The following SP100 variants were observed in gnomAD, a reference collection of about 807,000 sequenced individuals.
SP100 encodes the protein nuclear autoantigen Sp-100.
A neutral mutation model predicts 130.0 loss-of-function variants in SP100; 84 were observed. The observed-to-expected ratio is 0.65, with a 90% confidence interval of 0.54 to 0.77. The LOEUF (loss-of-function observed/expected upper bound fraction) is 0.77. SP100 is among the 30% of genes least tolerant of loss of function. SP100 has a pLI of 0.00. For missense variants in SP100, 978 were observed against 1,052.2 expected, an observed-to-expected ratio of 0.93 and a Z score of 0.97; for synonymous variants, 331 against 351.7, an observed-to-expected ratio of 0.94 and a Z score of 0.66.
At chr2:230,475,521 T>C (rs2065496876) in intron 17 of SP100, among the ~76,000 whole-genome samples, 1 of 152,234 alleles carries the variant, frequency 6.6e-6, no homozygotes, top group Admixed American at 6.5e-5. Flanking sequence ...TCTTTTGTTG[T>C]ACAGAAGCTA....
chr2:230,455,408 C>T (rs1174142444), intron 8 of SP100, among the ~76,000 whole-genome samples: 1 of 152,162 alleles, frequency 6.6e-6, no homozygotes, highest in Non-Finnish European at 1.5e-5. Flanking sequence ...TTGATTCAAA[C>T]TGTATCTCAT....
At chr2:230,534,785 G>C (rs1366913898) in intron 24 of SP100, among the ~76,000 whole-genome samples, 1 of 152,144 alleles carries the variant, frequency 6.6e-6, no homozygotes, top group Admixed American at 6.5e-5. Flanking sequence ...TTATTATGTT[G>C]AATTGTTATA....
At chr2:230,453,006 G>C (rs1470585798) in intron 8 of SP100, among the ~76,000 whole-genome samples, 1 of 152,072 alleles carries the variant, frequency 6.6e-6, no homozygotes, top group Non-Finnish European at 1.5e-5. Context: ...TGGGCAATCT[G>C]TATTGGTCCA....
chr2:230,483,425 G>A (rs1380919732), intron 17 of SP100, among the ~76,000 whole-genome samples: 1 of 152,178 alleles, frequency 6.6e-6, no homozygotes, highest in Non-Finnish European at 1.5e-5. Context: ...GGCTGGAGAG[G>A]TAGAGAGGGG....
intron 20 of SP100, among the ~76,000 whole-genome samples, chr2:230,503,809 C>A (rs764261465): frequency 6.6e-6 from 1 of 152,154 alleles, no homozygotes; most frequent in Non-Finnish European, 1.5e-5. Context: ...TCAGTCAATG[C>A]CTGGAATGGG....
intron 24 of SP100, among the ~76,000 whole-genome samples, chr2:230,522,013 G>C (rs935217108): frequency 2.6e-5 from 4 of 152,178 alleles, no homozygotes; most frequent in East Asian, 1.9e-4. Flanking sequence ...TGACTGTTTT[G>C]ATATGGACTT....
chr2:230,489,612 T>C (rs946627666), intron 17 of SP100, among the ~76,000 whole-genome samples: 1 of 152,210 alleles, frequency 6.6e-6, no homozygotes, highest in African/African-American at 2.4e-5. Flanking sequence ...TATTAGGGTA[T>C]AGATTTTAGA....
At chr2:230,515,864 T>C (rs1193926432) in intron 24 of SP100, 5 of 1,276,772 alleles carry the variant, frequency 3.9e-6, no homozygotes, top group Non-Finnish European at 4.9e-6. Flanking sequence ...AGTATGGGGG[T>C]TGTAAATTGG....
intron 17 of SP100, among the ~76,000 whole-genome samples, chr2:230,478,340 T>C (rs1260914735): frequency 6.6e-6 from 1 of 152,156 alleles, no homozygotes; most frequent in African/African-American, 2.4e-5. Context: ...AAACCATCGA[T>C]CAGAATTACA....
intron 5 of SP100, among the ~76,000 whole-genome samples, chr2:230,448,306 A>C (rs1333597641): frequency 6.6e-6 from 1 of 152,146 alleles, no homozygotes; most frequent in Non-Finnish European, 1.5e-5. Flanking sequence ...AGACAACAAA[A>C]ATAACCTTGT....
chr2:230,515,073 A>T (rs1690828928), intron 24 of SP100: 1 of 1,610,804 alleles, frequency 6.2e-7, no homozygotes. Context: ...TATCATATGC[A>T]TTTTTTGTGC....
chr2:230,419,823 T>C (rs1157505970), intron 2 of SP100, among the ~76,000 whole-genome samples: 3 of 152,230 alleles, frequency 2.0e-5, no homozygotes, highest in Non-Finnish European at 2.9e-5. Context: ...GCATCCCCTG[T>C]GGATAGAAGG....
chr2:230,450,311 TTTGGTTGG>T (rs878983393), intron 8 of SP100, 56 bp downstream of exon 8: 2 of 1,370,552 alleles, frequency 1.5e-6, no homozygotes, highest in African/African-American at 1.4e-5. Flanking sequence ...ATGCTATACA[TTTGGTTGG>T]TTGGTTGGTT....
Position 230,545,189 on chromosome 2 carries a change from C to G in SP100, c.*2243C>G, listed in dbSNP as rs550587598. Among the ~76,000 whole-genome samples the G allele has an allele frequency of 6.6e-6, 1 of 152,160 alleles. No individual in the cohort carries two copies. On this transcript the variant is annotated 3_prime_UTR_variant, in exon 29 of 29. Coordinates refer to ENST00000340126, the MANE Select transcript of SP100 (RefSeq NM_001080391.2). ...AAAGATACAGAATCAACCTAAGTGCCCATCAGTAACAGATTGGATAAAGAA... is the reference window on the plus strand; with the variant it reads ...AAAGATACAGAATCAACCTAAGTGCGCATCAGTAACAGATTGGATAAAGAA...
rs76381425 is a variant in SP100 at position 230,446,085 on chromosome 2, T to C, written c.440-734T>C. Among the ~76,000 whole-genome samples the C allele has an allele frequency of 2.6e-3, 400 of 152,344 alleles. 4 individuals carry two copies. Among genetic ancestry groups the C allele is most frequent in the African/African-American group, 9.0e-3 (376 of 41,580 alleles). ...CTGTTTCTAGCCTCATCTTTAAAGA[T>C]GTTGAGGTTTTTCTCATTTATTTTT... On this transcript the variant is annotated intron_variant, in intron 4 of 28. Transcript: ENST00000340126.
rs535592666 is a variant in SP100, at chr2:230,483,228, A to G, written c.1600+8781A>G. On this transcript the variant is annotated intron_variant, in intron 17 of 28. Transcript: ENST00000340126. ...GAAAAATAAAGAATAATGGAGGTGT[A>G]CAGTGACAGAAATGTGCCATTTTAT... Among the ~76,000 whole-genome samples, 4 of 152,338 alleles carry G rather than the reference A, an allele frequency of 2.6e-5. No homozygotes were observed. In the South Asian group the frequency reaches 6.2e-4, roughly 24 times the overall value.
At chr2:230,419,879 A>G (rs563522104) in intron 2 of SP100, among the ~76,000 whole-genome samples, 7 of 152,180 alleles carry the variant, frequency 4.6e-5, no homozygotes, top group Non-Finnish European at 1.0e-4. Context: ...TTGGTGACCC[A>G]TGATCTGATC....
At position 230,430,551 on chromosome 2, in the gene SP100, G is replaced by T. The variant is rs114791757; in HGVS notation, c.108-12386G>T. 2.7e-3 allele frequency among the ~76,000 whole-genome samples: 409 copies of T among 152,366 alleles called. 4 individuals carry two copies. Among genetic ancestry groups the T allele is most frequent in the African/African-American group, 9.2e-3 (383 of 41,580 alleles). On this transcript the variant is annotated intron_variant, in intron 2 of 28. Transcript: ENST00000340126. ...CCCTTAGGTCCTTGCTACAAGCTGGGCTCATCAGGAAGGTAGCATAAATTT... is the reference window on the plus strand; with the variant it reads ...CCCTTAGGTCCTTGCTACAAGCTGGTCTCATCAGGAAGGTAGCATAAATTT...
At chr2:230,520,919 C>T (rs1691143494) in intron 24 of SP100, among the ~76,000 whole-genome samples, 1 of 152,176 alleles carries the variant, frequency 6.6e-6, no homozygotes, top group Non-Finnish European at 1.5e-5. Context: ...CAAATGTCTT[C>T]ATGTAAAACA....
Sources: allele counts gnomAD v4.1 joint callset (sites outside exome capture counted in the v4.1 genomes callset), GRCh38; gene constraint gnomAD v4.1.1; transcripts MANE v1.5; gene names NCBI Gene and HGNC (gene_info 2026-07-23, HGNC 2026-07-21).